Variants in FAM184B observed in about 807,000 individuals in gnomAD.
FAM184B encodes the protein family with sequence similarity 184 member B, also known as protein FAM184B.
A neutral mutation model predicts 135.9 loss-of-function variants in FAM184B; 111 were observed. That is an observed-to-expected ratio of 0.82 (90% CI 0.70 to 0.96). The LOEUF (loss-of-function observed/expected upper bound fraction) is 0.96. FAM184B is among the 40% of genes least tolerant of loss of function. The pLI is 0.00. For missense variants in FAM184B, 1,375 were observed against 1,323.9 expected (o/e 1.04, Z -0.60); for synonymous variants, 552 against 524.8 (o/e 1.05, Z -0.71).
intron 7 of FAM184B, among the ~76,000 whole-genome samples, chr4:17,678,157 G>A (rs1716358243): frequency 6.6e-6 from 1 of 152,118 alleles, no homozygotes; most frequent in African/African-American, 2.4e-5. Context: ...CATAGTATTG[G>A]AAGTCCTAGC....
rs1717204438 is a variant in FAM184B at position 17,709,510 on chromosome 4, T to C, written c.276A>G (p.Ala92=). The C allele has an allele frequency of 1.3e-6, 2 of 1,550,742 alleles. No individual in the cohort carries two copies. Among genetic ancestry groups the C allele is most frequent in the Middle Eastern group, 1.7e-4 (1 of 5,976 alleles). ...KARLLQEQGC[A]EEEALLQRIQ... is the part of the protein sequence containing the mutation. ...TGCGCTGTAGAAGGGCTTCCTCCTC[T>C]GCGCAGCCCTGTTCCTGCAGGAGCC... is the stretch of plus-strand genomic sequence containing the variant. Residue 92 remains alanine, a synonymous_variant, in exon 2 of 18, where the codon GCA becomes GCG. Coordinates refer to ENST00000265018, the MANE Select transcript of FAM184B (RefSeq NM_015688.2).
chr4:17,762,822 T>C (rs1294319362), intron 1 of FAM184B, among the ~76,000 whole-genome samples: 1 of 152,194 alleles, frequency 6.6e-6, no homozygotes, highest in African/African-American at 2.4e-5. Context: ...CTTGGTACTC[T>C]GCCAACTCCT....
At position 17,693,306 on chromosome 4, in the gene FAM184B, A is replaced by G; in HGVS notation, c.1484T>C (p.Leu495Pro). ...ALNVKLQNSL[L>P]EVLRLEEFIQ... ...TTGCATTTGGTCAGGGCTCACCTCA[A>G]GCAGAGAATTCTGAAGCTTCACATT... is the stretch of plus-strand genomic sequence containing the variant. The change falls in exon 6 of 18, where the codon CTT becomes CCT. Residue 495 changes from leucine to proline, a missense_variant. By Grantham distance (98) the Leu-to-Pro change is moderately conservative. Coordinates refer to ENST00000265018, the MANE Select transcript of FAM184B (RefSeq NM_015688.2). 6.4e-7 allele frequency: 1 copy of G among 1,550,912 alleles called. No homozygotes were observed. The highest frequency in any genetic ancestry group is 8.7e-7 in the Non-Finnish European group (1 of 1,146,348).
chr4:17,776,600 C>A (rs1205898012), intron 1 of FAM184B, among the ~76,000 whole-genome samples: 1 of 152,170 alleles, frequency 6.6e-6, no homozygotes, highest in Non-Finnish European at 1.5e-5. Context: ...CCATGTTGGT[C>A]AGGCTGGTCT....
chr4:17,702,375 C>T (rs1220338382), intron 5 of FAM184B, among the ~76,000 whole-genome samples: 1 of 152,086 alleles, frequency 6.6e-6, no homozygotes, highest in Non-Finnish European at 1.5e-5. Flanking sequence ...ACTGTGCTGT[C>T]CATCAAGATT....
At chr4:17,743,635 C>G (rs1718094656) in intron 1 of FAM184B, among the ~76,000 whole-genome samples, 1 of 152,304 alleles carries the variant, frequency 6.6e-6, no homozygotes, top group South Asian at 2.1e-4. Context: ...ATTCTTTCAT[C>G]ACACTATTCA....
chr4:17,716,005 A>C (rs1263004566), intron 1 of FAM184B, among the ~76,000 whole-genome samples: 1 of 152,194 alleles, frequency 6.6e-6, no homozygotes, highest in African/African-American at 2.4e-5. Context: ...GCAACTAATA[A>C]AATTCCAATG....
intron 3 of FAM184B, 106 bp downstream of exon 3, chr4:17,707,543 T>A (rs1292359146): frequency 3.8e-5 from 54 of 1,438,906 alleles, no homozygotes; most frequent in Non-Finnish European, 4.8e-5. Flanking sequence ...CAAGCAGCCC[T>A]GCCCCTCCTC....
chr4:17,729,813 GA>G (rs1176884844), intron 1 of FAM184B, among the ~76,000 whole-genome samples: 4 of 152,264 alleles, frequency 2.6e-5, no homozygotes, highest in South Asian at 2.1e-4. Context: ...CAAAGATGGG[GA>G]AAAAACAGAG....
At chr4:17,748,810 C>A (rs1188852780) in intron 1 of FAM184B, among the ~76,000 whole-genome samples, 1 of 151,876 alleles carries the variant, frequency 6.6e-6, no homozygotes, top group Non-Finnish European at 1.5e-5. Context: ...AGCCACTGTG[C>A]CTGGCCTTCC....
intron 1 of FAM184B, among the ~76,000 whole-genome samples, chr4:17,779,597 C>G (rs1005563269): frequency 2.0e-5 from 3 of 152,250 alleles, no homozygotes; most frequent in Non-Finnish European, 4.4e-5. Flanking sequence ...AAGGGCAAGA[C>G]CATATCTTAC....
In FAM184B at chr4:17,636,866, G is replaced by C. The variant is rs555342417; in HGVS notation, c.2667-221C>G. Among the ~76,000 whole-genome samples, 3 of 152,236 alleles carry C rather than the reference G, an allele frequency of 2.0e-5. No homozygotes were observed. The South Asian group carries it at 6.2e-4, about 32-fold the overall frequency. On this transcript the variant is annotated intron_variant, in intron 14 of 17. Transcript: ENST00000265018. ...GAGGCTGCAGGGCCAGGAAGCAAAG[G>C]CCCCTGTGTGCACATAGATGCTGCA...
chr4:17,764,954 T>C (rs1718626455), intron 1 of FAM184B, among the ~76,000 whole-genome samples: 1 of 152,048 alleles, frequency 6.6e-6, no homozygotes, highest in African/African-American at 2.4e-5. Flanking sequence ...TAATCCCAGC[T>C]ACTCAGGAGG....
Position 17,666,904 on chromosome 4 carries a change from G to C in FAM184B, c.1597-2245C>G, listed in dbSNP as rs898297646. On this transcript the variant is annotated intron_variant, in intron 7 of 17. Coordinates refer to ENST00000265018, the MANE Select transcript of FAM184B (RefSeq NM_015688.2). Reference sequence around the variant, plus strand: ...CACGGGCCACTCCAGATAGCAGGGGGACCACTCTCTCCCATACTTGCCCTA... The same window carrying C: ...CACGGGCCACTCCAGATAGCAGGGGCACCACTCTCTCCCATACTTGCCCTA... 6.6e-5 allele frequency among the ~76,000 whole-genome samples: 10 copies of C among 151,678 alleles called. No homozygotes were observed. The South Asian group carries it at 1.3e-3, about 19-fold the overall frequency.
At chr4:17,692,840 C>T (rs1004556829) in intron 6 of FAM184B, among the ~76,000 whole-genome samples, 3 of 151,926 alleles carry the variant, frequency 2.0e-5, no homozygotes, top group Non-Finnish European at 2.9e-5. Context: ...TAGGGGCCCA[C>T]GAAAATGTGT....
intron 5 of FAM184B, among the ~76,000 whole-genome samples, chr4:17,693,786 T>C (rs1328052793): frequency 1.8e-4 from 28 of 152,094 alleles, no homozygotes; most frequent in Admixed American, 1.8e-3. Context: ...CAGTACAAAA[T>C]TTCTTCTCAA....
intron 1 of FAM184B, among the ~76,000 whole-genome samples, chr4:17,710,760 T>C (rs1717249910): frequency 6.6e-6 from 1 of 152,166 alleles, no homozygotes; most frequent in Non-Finnish European, 1.5e-5. Flanking sequence ...GAAGAATGAC[T>C]CTTAGGATGT....
intron 5 of FAM184B, 110 bp downstream of exon 5, chr4:17,704,890 G>GCTC: frequency 1.1e-6 from 1 of 909,096 alleles, no homozygotes; most frequent in South Asian, 1.7e-5. Context: ...TTTGTACAGA[G>GCTC]CAGGAGCTCA....
In FAM184B at chr4:17,709,281, C is replaced by T. The variant is rs1427049579; in HGVS notation, c.505G>A (p.Glu169Lys). ...GGCAGCCGGCCCTGCGGGGTAGCCT[C>T]GTGGCTCGTCAGGTGCTGGAGCCTC... is the stretch of plus-strand genomic sequence containing the variant. ...ERRLQHLTSH[E>K]ATPQGRLPQE... Residue 169 changes from glutamate (E) to lysine (K), a missense_variant, in exon 2 of 18, where the codon GAG (glutamate) becomes AAG (lysine). Glu to Lys is a moderately conservative substitution (Grantham distance 56). Transcript: ENST00000265018. The T allele has an allele frequency of 1.9e-6, 3 of 1,548,274 alleles. No homozygotes were observed. Among genetic ancestry groups the T allele is most frequent in the East Asian group, 4.9e-5 (2 of 40,848 alleles).
Sources: gnomAD v4.1 joint callset for allele counts (sites outside exome capture counted in the v4.1 genomes callset) on GRCh38, gnomAD v4.1.1 for gene constraint, MANE v1.5 for transcripts, NCBI Gene and HGNC (gene_info 2026-07-23, HGNC 2026-07-21) for gene names.